The following TIAM1 variants were observed in gnomAD, a reference collection of about 807,000 sequenced individuals.
The protein encoded by TIAM1 is rho guanine nucleotide exchange factor TIAM1.
A neutral mutation model predicts 163.5 loss-of-function variants in TIAM1; 65 were observed. That is an observed-to-expected ratio of 0.40 (90% CI 0.33 to 0.49). TIAM1 has a LOEUF of 0.49. Among genes scored for constraint, TIAM1 ranks in the 20% least tolerant of loss-of-function variants. The probability of loss-of-function intolerance (pLI) is 0.77; values close to 1 mark genes in which losing one functional copy is unlikely to be tolerated. For synonymous variants in TIAM1, 833 were observed against 810.1 expected (o/e 1.03, Z -0.48); for missense variants, 1,789 against 2,044.7 (o/e 0.87, Z 2.41).
intron 2 of TIAM1, among the ~76,000 whole-genome samples, chr21:31,309,660 A>C (rs1389035609): frequency 6.6e-6 from 1 of 152,156 alleles, no homozygotes; most frequent in Non-Finnish European, 1.5e-5. Context: ...GAAAAAAATG[A>C]AGATGTGGCC....
chr21:31,333,416 T>C (rs2075740832), intron 2 of TIAM1, among the ~76,000 whole-genome samples: 1 of 152,208 alleles, frequency 6.6e-6, no homozygotes, highest in African/African-American at 2.4e-5. Flanking sequence ...ATACCTCTCA[T>C]TTGAACCCTT....
intron 1 of TIAM1, among the ~76,000 whole-genome samples, chr21:31,487,651 G>A (rs989138732): frequency 4.0e-5 from 6 of 149,734 alleles, no homozygotes; most frequent in Non-Finnish European, 7.4e-5. Flanking sequence ...TCCGCTTCCC[G>A]GGTTCACGCC....
At chr21:31,303,806 T>C (rs2074592367) in intron 2 of TIAM1, among the ~76,000 whole-genome samples, 1 of 151,828 alleles carries the variant, frequency 6.6e-6, no homozygotes, top group Admixed American at 6.6e-5. Context: ...AGTGAAACCT[T>C]GTCTCTACTA....
At chr21:31,165,558 AC>A (rs536325194) in intron 15 of TIAM1, among the ~76,000 whole-genome samples, 11 of 152,186 alleles carry the variant, frequency 7.2e-5, no homozygotes, top group Non-Finnish European at 8.8e-5. Flanking sequence ...ATTGGTTAGT[AC>A]CCAGATGATG....
At chr21:31,182,154 A>G (rs958629388) in intron 15 of TIAM1, among the ~76,000 whole-genome samples, 4 of 152,006 alleles carry the variant, frequency 2.6e-5, no homozygotes, top group Non-Finnish European at 4.4e-5. Flanking sequence ...CCTTTCCCCA[A>G]AATGAGAAAC....
At position 31,118,448 on chromosome 21, in the gene TIAM1, C is replaced by T. The variant is rs2081883453; in HGVS notation, c.*1920G>A. 1 of 376,600 alleles carries T rather than the reference C, an allele frequency of 2.7e-6. No individual in the cohort carries two copies. The highest frequency in any genetic ancestry group is 5.4e-6 in the Non-Finnish European group (1 of 186,326). The allele number at this position is 376,600 out of a possible 1,614,324, so 23.3% of individuals were successfully genotyped here. A position where few individuals can be genotyped will look rare whatever the true frequency, so the allele number is the denominator to read the frequency against. ...TTCGTTATTTTTATTGTTTGACAAG[C>T]ATTTACAACGTTCCATTCATAGACC... On this transcript the variant is annotated 3_prime_UTR_variant, in exon 28 of 28. Transcript: ENST00000541036.
chr21:31,167,231 A>G (rs2074244292), intron 15 of TIAM1, among the ~76,000 whole-genome samples: 1 of 151,176 alleles, frequency 6.6e-6, no homozygotes, highest in Non-Finnish European at 1.5e-5. Context: ...AGCTGGGATT[A>G]CAGGTGTGCA....
chr21:31,157,880 CTG>C (rs1156680735), intron 16 of TIAM1, among the ~76,000 whole-genome samples: 1 of 152,162 alleles, frequency 6.6e-6, no homozygotes, highest in Non-Finnish European at 1.5e-5. Context: ...TTTAGGCAAA[CTG>C]TGTGAAATCG....
intron 12 of TIAM1, among the ~76,000 whole-genome samples, chr21:31,202,337 A>G (rs1407542557): frequency 6.6e-6 from 1 of 151,866 alleles, no homozygotes; most frequent in Non-Finnish European, 1.5e-5. Context: ...GGATCACTTG[A>G]GCCCAGGAGT....
At chr21:31,551,818 A>C (rs1361065655) in intron 1 of TIAM1, among the ~76,000 whole-genome samples, 1 of 152,208 alleles carries the variant, frequency 6.6e-6, no homozygotes, top group African/African-American at 2.4e-5. Flanking sequence ...ATTGCCACTC[A>C]TTATAACAGG....
chr21:31,249,768 A>T (rs187163647), intron 5 of TIAM1, among the ~76,000 whole-genome samples: 176 of 152,294 alleles, frequency 1.2e-3, no homozygotes, highest in Admixed American at 7.4e-3. Flanking sequence ...GGCACGTCAC[A>T]CATGAGAAAG....
At chr21:31,400,551 T>A (rs997655414) in intron 2 of TIAM1, among the ~76,000 whole-genome samples, 5 of 152,182 alleles carry the variant, frequency 3.3e-5, no homozygotes, top group African/African-American at 1.2e-4. Flanking sequence ...CCTAGTAAAG[T>A]GCCTTTGAAT....
intron 2 of TIAM1, among the ~76,000 whole-genome samples, chr21:31,392,648 C>T (rs2076987819): frequency 6.6e-6 from 1 of 151,096 alleles, no homozygotes; most frequent in Admixed American, 6.6e-5. Flanking sequence ...CCCTCCAAAT[C>T]CCATACTGAA....
At chr21:31,546,589 C>CGAAAGAAAGAA (rs2048503200) in intron 1 of TIAM1, among the ~76,000 whole-genome samples, 1 of 133,980 alleles carries the variant, frequency 7.5e-6, no homozygotes, top group South Asian at 3.1e-4. Context: ...AGAAAGAAAC[C>CGAAAGAAAGAA]AGAGCATGCC....
chr21:31,252,073 G>A lies in TIAM1; in HGVS notation c.1080C>T (p.Thr360=), dbSNP rs1026175636. The A allele has an allele frequency of 6.2e-7, 1 of 1,614,082 alleles. No homozygotes were observed. The highest frequency in any genetic ancestry group is 8.5e-7 in the Non-Finnish European group (1 of 1,180,054). The change falls in exon 5 of 28, where the codon ACC becomes ACT. Residue 360 remains threonine, a synonymous_variant. Coordinates refer to ENST00000541036, the MANE Select transcript of TIAM1 (RefSeq NM_001353694.2). ...SNATNSSYSP[T]TGRAFVGSDS... ...CGCTGCCCACAAAGGCCCGGCCTGT[G>A]GTGGGTGAGTAGCTGGAGTTGGTGG...
chr21:31,228,333 A>C (rs556327963), intron 6 of TIAM1, among the ~76,000 whole-genome samples: 1 of 147,304 alleles, frequency 6.8e-6, no homozygotes, highest in Non-Finnish European at 1.5e-5. Context: ...ACTCCTATGC[A>C]CTGCTGGCCA....
At chr21:31,428,918 T>TG in intron 2 of TIAM1, among the ~76,000 whole-genome samples, 1 of 151,726 alleles carries the variant, frequency 6.6e-6, no homozygotes, top group Non-Finnish European at 1.5e-5. Flanking sequence ...GCAGATACAG[T>TG]GCTCAGCACT....
At chr21:31,304,546 C>T (rs1380205333) in intron 2 of TIAM1, among the ~76,000 whole-genome samples, 6 of 152,132 alleles carry the variant, frequency 3.9e-5, no homozygotes, top group Middle Eastern at 3.2e-3. Flanking sequence ...GTAAGAGCAC[C>T]GTGCTAAAAT....
intron 2 of TIAM1, among the ~76,000 whole-genome samples, chr21:31,389,941 A>C (rs979034964): frequency 3.5e-4 from 54 of 152,210 alleles, no homozygotes; most frequent in African/African-American, 1.2e-3. Flanking sequence ...ATTTCATTAC[A>C]TTCAGTAATC....
Sources: gnomAD v4.1 joint callset for allele counts (sites outside exome capture counted in the v4.1 genomes callset) on GRCh38, gnomAD v4.1.1 for gene constraint, MANE v1.5 for transcripts, NCBI Gene and HGNC (gene_info 2026-07-23, HGNC 2026-07-21) for gene names.